The following CAPN1 variants were observed in gnomAD, a reference collection of about 807,000 sequenced individuals.
CAPN1 encodes the protein calpain 1.
In CAPN1, 77 loss-of-function variants were observed where a neutral mutation model predicts 105.2. The observed-to-expected ratio is 0.73, with a 90% CI of 0.61 to 0.88. The LOEUF (loss-of-function observed/expected upper bound fraction) is 0.88, where lower values mean the gene tolerates loss of function less well. Among genes scored for constraint, CAPN1 ranks in the 40% least tolerant of loss-of-function variants. The pLI is 0.00. For missense variants in CAPN1, 833 were observed against 976.6 expected (o/e 0.85, Z 1.96); for synonymous variants, 355 against 388.8 (o/e 0.91, Z 1.02).
Position 65,209,987 on chromosome 11 carries a change from G to A in CAPN1, c.1864-31G>A. ...CAGGTGGGAAGGGCCGGGTGACTCA[G>A]CCTGGCCCTCACCCTCTGCCGCCAC... On this transcript the variant is annotated intron_variant, in intron 18 of 21. Transcript: ENST00000279247. This position sits in a 1 kb window ranked among gnomAD's most constrained non-coding sequence, Gnocchi z 4.1. 1 of 1,611,848 alleles carries A rather than the reference G, an allele frequency of 6.2e-7. No homozygotes were observed. The highest frequency in any genetic ancestry group is 8.5e-7 in the Non-Finnish European group (1 of 1,178,562).
chr11:65,201,679 G>T (rs565516860), intron 10 of CAPN1, among the ~76,000 whole-genome samples: 6 of 151,630 alleles, frequency 4.0e-5, no homozygotes, highest in Non-Finnish European at 8.8e-5. Context: ...CACCACGCCC[G>T]GCTAATTTTT....
At chr11:65,185,873 C>T (rs367829260) in intron 4 of CAPN1, 44 bp from the exon 5 acceptor site, 145 of 1,551,504 alleles carry the variant, frequency 9.3e-5, no homozygotes, top group Admixed American at 1.6e-4. Flanking sequence ...AGCTCAGGTC[C>T]GGGGGATTCC....
chr11:65,186,426 G>T lies in CAPN1; in HGVS notation c.759+88G>T, dbSNP rs558559528. ...TTTCTAAAATCCCCACCCAGGCTCC[G>T]CTCCAGACCCTGTCCTGCACTTAAG... On this transcript the variant is annotated intron_variant, in intron 6 of 21. Transcript: ENST00000279247. The T allele has an allele frequency of 3.7e-5, 44 of 1,196,338 alleles. No homozygotes were observed. The East Asian group carries it at 9.9e-4, about 27-fold the overall frequency. 74.1% of individuals were successfully genotyped at this position (1,196,338 alleles called of 1,614,324 possible).
upstream of CAPN1, chr11:65,181,812 G>A (rs75557976): frequency 2.6e-3 from 538 of 207,356 alleles, 13 homozygotes; most frequent in East Asian, 0.062. The surrounding 1 kb of genome is among the most constrained non-coding windows in gnomAD (Gnocchi z 4.6). Context: ...AGACCGTGCC[G>A]GAGAGATAAG....
chr11:65,197,961 A>C (rs1239855178), intron 10 of CAPN1, among the ~76,000 whole-genome samples: 5 of 150,604 alleles, frequency 3.3e-5, no homozygotes, highest in Admixed American at 2.0e-4. Context: ...ATTTACACTC[A>C]CAGTGATTAA....
chr11:65,210,104 T>G lies in CAPN1; in HGVS notation c.1942+8T>G, dbSNP rs780440580. On this transcript the variant is annotated splice_region_variant and intron_variant, in intron 19 of 21. Coordinates refer to ENST00000279247, the MANE Select transcript of CAPN1 (RefSeq NM_005186.4). This position sits in a 1 kb window ranked among gnomAD's most constrained non-coding sequence, Gnocchi z 4.3. ...TGGCCATTGAGTCGGCAGGTGAGAC[T>G]CCAAGGCTGACGGCACCTGTGGGGC... 1.2e-5 allele frequency: 19 copies of G among 1,609,360 alleles called. No individual in the cohort carries two copies. Among genetic ancestry groups the G allele is most frequent in the African/African-American group, 6.7e-5 (5 of 74,518 alleles).
intron 4 of CAPN1, among the ~76,000 whole-genome samples, chr11:65,184,499 G>A (rs1555006001): frequency 1.3e-5 from 2 of 149,924 alleles, no homozygotes; most frequent in Non-Finnish European, 3.0e-5. Context: ...CGTTGTCCTG[G>A]CCCCGACCCC....
rs1460073409 is a variant in CAPN1, at chr11:65,209,300, G to A, written c.1730-23G>A. On this transcript the variant is annotated intron_variant, in intron 16 of 21. Coordinates refer to ENST00000279247, the MANE Select transcript of CAPN1 (RefSeq NM_005186.4). This position sits in a 1 kb window ranked among gnomAD's most constrained non-coding sequence, Gnocchi z 4.1. The stretch of plus-strand genomic sequence containing the variant: ...TGCAGGAAGCTCACTAGGTGGAGAT[G>A]TTGGAATTGGTTTTTCTTGCAGACA... 1 of 1,609,416 alleles carries A rather than the reference G, an allele frequency of 6.2e-7. No individual in the cohort carries two copies. Among genetic ancestry groups the A allele is most frequent in the East Asian group, 2.2e-5 (1 of 44,816 alleles).
At chr11:65,187,402 CT>C in intron 7 of CAPN1, 104 bp downstream of exon 7, 1 of 734,364 alleles carries the variant, frequency 1.4e-6, no homozygotes. Flanking sequence ...CTGGCTCCTC[CT>C]TTCCCCTCCT....
Position 65,211,518 on chromosome 11 carries a change from C to T in CAPN1, c.*232C>T, listed in dbSNP as rs959507576. ...GGGCTCGGGATGGACTCCCTGGGCC[C>T]CACCCATTGCCAAGCCAGGAAGGCA... On this transcript the variant is annotated 3_prime_UTR_variant, in exon 22 of 22. Transcript: ENST00000279247. The T allele has an allele frequency of 8.6e-6, 5 of 583,452 alleles. No individual in the cohort carries two copies. The highest frequency in any genetic ancestry group is 1.5e-5 in the Non-Finnish European group (5 of 324,642). The allele number at this position is 583,452 out of a possible 1,614,324, so 36.1% of individuals were successfully genotyped here.
rs369896914 is a variant in CAPN1 at position 65,206,477 on chromosome 11, G to A, written c.1368G>A (p.Pro456=). ...CCTCCCACCAGCTGGTGGGCCAGCC[G>A]GCCGTACACTTGAAGCGTGACTTCT... The part of the protein sequence containing the change: ...YEVPPELVGQ[P]AVHLKRDFFL... Residue 456 remains proline, a synonymous_variant, in exon 13 of 22, where the codon CCG becomes CCA. Transcript: ENST00000279247. 139 of 1,613,076 alleles carry A rather than the reference G, an allele frequency of 8.6e-5. No homozygotes were observed. In the East Asian group the frequency reaches 1.0e-3, roughly 12 times the overall value.
At position 65,186,339 on chromosome 11, in the gene CAPN1, G is replaced by C; in HGVS notation, c.759+1G>C. 1 of 1,609,180 alleles carries C rather than the reference G, an allele frequency of 6.2e-7. No individual in the cohort carries two copies. Among genetic ancestry groups the C allele is most frequent in the Non-Finnish European group, 8.5e-7 (1 of 1,177,412 alleles). On this transcript the variant is annotated splice_donor_variant, in intron 6 of 21. Coordinates refer to ENST00000279247, the MANE Select transcript of CAPN1 (RefSeq NM_005186.4). LOFTEE classifies it high-confidence loss of function. Reference sequence around the variant, plus strand: ...CTCCCTGCTGGGCTGCTCCATAGACGTGAGTGTGCCCGGCCCCGATGCTTT... The same window carrying C: ...CTCCCTGCTGGGCTGCTCCATAGACCTGAGTGTGCCCGGCCCCGATGCTTT...
chr11:65,189,093 G>A (rs1423275814), intron 10 of CAPN1, among the ~76,000 whole-genome samples: 1 of 151,862 alleles, frequency 6.6e-6, no homozygotes, highest in African/African-American at 2.4e-5. Context: ...GCGTGGCCTT[G>A]GCTGACTACA....
intron 12 of CAPN1, 191 bp downstream of exon 12, chr11:65,205,912 T>C: frequency 1.7e-6 from 1 of 606,010 alleles, no homozygotes; most frequent in Non-Finnish European, 3.0e-6. Flanking sequence ...GCACAGGTAG[T>C]CAGTGAGGGA....
chr11:65,186,236 C>T lies in CAPN1; in HGVS notation c.657C>T (p.Gly219=), dbSNP rs767389845. 5.6e-6 allele frequency: 9 copies of T among 1,613,636 alleles called. No individual in the cohort carries two copies. The highest frequency in any genetic ancestry group is 2.2e-5 in the East Asian group (1 of 44,866). The change falls in exon 6 of 22, where the codon GGC becomes GGT. Residue 219 remains glycine, a synonymous_variant. Coordinates refer to ENST00000279247, the MANE Select transcript of CAPN1 (RefSeq NM_005186.4). ...CAGAGGGCTTTGAGGACTTCACAGGCGGGGTTACCGAGTGGTACGAGTTGC... is the reference window on the plus strand; with the variant it reads ...CAGAGGGCTTTGAGGACTTCACAGGTGGGGTTACCGAGTGGTACGAGTTGC... ...STSEGFEDFT[G]GVTEWYELRK...
intron 10 of CAPN1, among the ~76,000 whole-genome samples, chr11:65,189,408 C>T (rs1224972688): frequency 1.3e-5 from 2 of 152,160 alleles, no homozygotes. Flanking sequence ...AGTTCCTTGT[C>T]ACTCTCACTG....
At chr11:65,192,742 A>C (rs555861517) in intron 10 of CAPN1, among the ~76,000 whole-genome samples, 12 of 151,650 alleles carry the variant, frequency 7.9e-5, no homozygotes, top group Admixed American at 6.6e-4. Flanking sequence ...AGTAGCTGGG[A>C]CTACACAGGT....
intron 10 of CAPN1, among the ~76,000 whole-genome samples, chr11:65,192,275 C>A (rs1301982478): frequency 6.6e-6 from 1 of 152,154 alleles, no homozygotes; most frequent in African/African-American, 2.4e-5. Context: ...GCTTTTCTAA[C>A]GTTAAATCAA....
At chr11:65,206,716 C>T (rs549191618) in intron 13 of CAPN1, 42 bp downstream of exon 13, 4 of 1,609,468 alleles carry the variant, frequency 2.5e-6, no homozygotes, top group South Asian at 2.2e-5. Context: ...CCTCTCCCAG[C>T]CTCCCCTCTC....
Sources: allele counts gnomAD v4.1 joint callset (sites outside exome capture counted in the v4.1 genomes callset), GRCh38; gene constraint gnomAD v4.1.1; non-coding constraint Gnocchi (gnomAD v3.1); transcripts MANE v1.5; gene names NCBI Gene and HGNC (gene_info 2026-07-23, HGNC 2026-07-21).